The following DPH6 variants were observed in gnomAD, a reference collection of about 807,000 sequenced individuals.
DPH6 encodes diphthine--ammonia ligase.
In DPH6, 33 loss-of-function variants were observed where a neutral mutation model predicts 38.2. The observed-to-expected ratio is 0.86, with a 90% confidence interval of 0.65 to 1.15. DPH6 has a LOEUF of 1.15. Ranked by LOEUF, DPH6 falls within the 50% of genes most tolerant of loss-of-function variation. The pLI is 0.00. For missense variants in DPH6, 325 were observed against 320.0 expected, an observed-to-expected ratio of 1.02 and a Z score of -0.12; for synonymous variants, 108 against 103.0, an observed-to-expected ratio of 1.05 and a Z score of -0.30.
intron 6 of DPH6, among the ~76,000 whole-genome samples, chr15:35,407,220 G>A (rs2140988254): frequency 6.6e-6 from 1 of 151,462 alleles, no homozygotes; most frequent in East Asian, 2.0e-4. Context: ...CCTCGGAGCG[G>A]AAATTTGTGG....
intron 3 of DPH6, among the ~76,000 whole-genome samples, chr15:35,513,918 T>C (rs1486329901): frequency 6.6e-6 from 1 of 152,082 alleles, no homozygotes; most frequent in Non-Finnish European, 1.5e-5. Context: ...TTCCCTTAAA[T>C]TTTCATAAAA....
chr15:35,533,468 A>C (rs1490278675), intron 3 of DPH6, among the ~76,000 whole-genome samples: 1 of 152,122 alleles, frequency 6.6e-6, no homozygotes, highest in African/African-American at 2.4e-5. Flanking sequence ...TACAACTGGG[A>C]GCCATCCCCT....
intron 5 of DPH6, among the ~76,000 whole-genome samples, chr15:35,424,849 T>G (rs893439818): frequency 6.6e-6 from 1 of 151,506 alleles, no homozygotes; most frequent in Non-Finnish European, 1.5e-5. Flanking sequence ...CCTGCTTGAG[T>G]GAAGATGGAA....
At chr15:35,303,269 G>A (rs2052066363) in intron 3 of DPH6, among the ~76,000 whole-genome samples, 1 of 151,656 alleles carries the variant, frequency 6.6e-6, no homozygotes, top group Admixed American at 6.6e-5. Context: ...CTATAAAGGT[G>A]CGATGTTATC....
chr15:35,186,272 T>C, the DPH6 span, among the ~76,000 whole-genome samples: 1 of 152,296 alleles, frequency 6.6e-6, no homozygotes, highest in South Asian at 2.1e-4. Context: ...GGGCAGTACA[T>C]AAGGTGTGAA....
At chr15:35,520,541 G>C in intron 3 of DPH6, 1 of 984,168 alleles carries the variant, frequency 1.0e-6, no homozygotes, top group Non-Finnish European at 1.2e-6. Context: ...GGTACTTTCA[G>C]TACATATATA....
chr15:35,536,782 T>C (rs1281958923), intron 3 of DPH6, among the ~76,000 whole-genome samples: 1 of 152,046 alleles, frequency 6.6e-6, no homozygotes, highest in Non-Finnish European at 1.5e-5. Context: ...AATGCAGGAT[T>C]TACACTCAGT....
intron 3 of DPH6, among the ~76,000 whole-genome samples, chr15:35,261,463 C>T (rs1362205149): frequency 6.6e-6 from 1 of 152,024 alleles, no homozygotes; most frequent in Admixed American, 6.6e-5. Context: ...ATAAACTTTA[C>T]ATATATGGTA....
downstream of DPH6, among the ~76,000 whole-genome samples, chr15:35,325,852 A>C (rs1232007971): frequency 1.3e-5 from 2 of 152,198 alleles, no homozygotes; most frequent in African/African-American, 2.4e-5. Context: ...TCATATCTAG[A>C]ATATATAAAG....
chr15:35,382,508 T>C (rs1196004561), intron 6 of DPH6, among the ~76,000 whole-genome samples: 1 of 152,006 alleles, frequency 6.6e-6, no homozygotes, highest in East Asian at 1.9e-4. Flanking sequence ...GGAATGACAG[T>C]AGCCTCAGAT....
intron 7 of DPH6, among the ~76,000 whole-genome samples, 163 bp from the exon 8 acceptor site, chr15:35,373,771 T>C (rs2052744599): frequency 2.0e-5 from 3 of 151,998 alleles, no homozygotes; most frequent in Admixed American, 2.0e-4. Flanking sequence ...CAGTATTTAA[T>C]TGGGAAAAGG....
intron 7 of DPH6, among the ~76,000 whole-genome samples, chr15:35,373,962 T>A (rs187691676): frequency 1.4e-4 from 21 of 152,158 alleles, no homozygotes; most frequent in Admixed American, 1.3e-3. Flanking sequence ...TAGTGCTTTA[T>A]CTTCATTATT....
intron 3 of DPH6, among the ~76,000 whole-genome samples, chr15:35,343,431 A>T (rs761142989): frequency 3.3e-5 from 5 of 152,064 alleles, no homozygotes; most frequent in Admixed American, 3.3e-4. Flanking sequence ...TTAAATAATC[A>T]CCCTAATGTA....
intron 3 of DPH6, among the ~76,000 whole-genome samples, chr15:35,484,573 C>T: frequency 6.6e-6 from 1 of 152,210 alleles, no homozygotes; most frequent in East Asian, 1.9e-4. Flanking sequence ...GCCATGTGGA[C>T]CCCTCCATCG....
intron 3 of DPH6, chr15:35,520,750 T>A (rs1241346048): frequency 7.1e-6 from 7 of 984,668 alleles, no homozygotes; most frequent in Non-Finnish European, 8.4e-6. Context: ...CCAAGTAGAA[T>A]ATGTACAATG....
At chr15:35,311,860 T>C (rs961724831) in intron 3 of DPH6, among the ~76,000 whole-genome samples, 5 of 152,162 alleles carry the variant, frequency 3.3e-5, no homozygotes. Flanking sequence ...CCAAGGATGC[T>C]GCAGAAAACA....
At chr15:35,492,867 C>G (rs2054502957) in intron 3 of DPH6, among the ~76,000 whole-genome samples, 1 of 152,066 alleles carries the variant, frequency 6.6e-6, no homozygotes, top group Non-Finnish European at 1.5e-5. Context: ...GGGCTTGTAA[C>G]TGCTACACTA....
the DPH6 span, among the ~76,000 whole-genome samples, chr15:35,158,755 T>A: frequency 6.6e-6 from 1 of 152,014 alleles, no homozygotes; most frequent in Non-Finnish European, 1.5e-5. Flanking sequence ...GTTAGGGAAA[T>A]TGGTTTTAGC....
chr15:35,515,968 T>A (rs1357561734), intron 3 of DPH6, among the ~76,000 whole-genome samples: 1 of 152,140 alleles, frequency 6.6e-6, no homozygotes, highest in Non-Finnish European at 1.5e-5. Context: ...AGTTAAGAAG[T>A]TTTTAATAGG....
Sources: allele counts gnomAD v4.1 joint callset (sites outside exome capture counted in the v4.1 genomes callset), GRCh38; gene constraint gnomAD v4.1.1; transcripts MANE v1.5; gene names NCBI Gene and HGNC (gene_info 2026-07-23, HGNC 2026-07-21).